Variants in PEAK1 observed in about 807,000 individuals in gnomAD.
PEAK1 encodes the protein pseudopodium enriched atypical kinase 1, also known as inactive tyrosine-protein kinase PEAK1.
In PEAK1, 54 loss-of-function variants were observed where a neutral mutation model predicts 124.7. That is an observed-to-expected ratio of 0.43 (90% confidence interval 0.35 to 0.54). The LOEUF is 0.54. PEAK1 is among the 20% of genes least tolerant of loss of function. PEAK1 has a pLI of 0.01. For missense variants in PEAK1, 2,046 were observed against 2,134.5 expected (o/e 0.96, Z 0.82); for synonymous variants, 719 against 760.0 (o/e 0.95, Z 0.89).
At chr15:77,132,434 C>G (rs987500238) in intron 9 of PEAK1, among the ~76,000 whole-genome samples, 1 of 151,894 alleles carries the variant, frequency 6.6e-6, no homozygotes, top group African/African-American at 2.4e-5. Flanking sequence ...GTGGCTCACA[C>G]CTGTAATCCC....
intron 8 of PEAK1, among the ~76,000 whole-genome samples, chr15:77,147,762 G>A (rs887737067): frequency 2.0e-5 from 3 of 152,144 alleles, no homozygotes; most frequent in Admixed American, 2.0e-4. Context: ...TTCTTAAGTT[G>A]TCAAGTTGCA....
chr15:77,348,396 T>C, intron 2 of PEAK1: 1 of 905,678 alleles, frequency 1.1e-6, no homozygotes, highest in Non-Finnish European at 1.3e-6. Flanking sequence ...GTAATTACAC[T>C]ATAAGCAAGG....
At chr15:77,279,003 G>C (rs1476896077) in intron 5 of PEAK1, among the ~76,000 whole-genome samples, 1 of 151,680 alleles carries the variant, frequency 6.6e-6, no homozygotes, top group Non-Finnish European at 1.5e-5. Context: ...GCTAATTTTT[G>C]TATTTTTAGT....
chr15:77,276,511 A>C, intron 5 of PEAK1, among the ~76,000 whole-genome samples: 1 of 152,154 alleles, frequency 6.6e-6, no homozygotes, highest in Admixed American at 6.5e-5. Flanking sequence ...TGCAGAAATG[A>C]AGAAAAAAAT....
At chr15:77,296,980 T>C (rs777036759) in intron 2 of PEAK1, among the ~76,000 whole-genome samples, 21 of 151,814 alleles carry the variant, frequency 1.4e-4, no homozygotes, top group Non-Finnish European at 2.1e-4. Context: ...GAGATCAAAA[T>C]TCCCGTTTAG....
At chr15:77,171,472 A>T (rs1401717971) in intron 7 of PEAK1, among the ~76,000 whole-genome samples, 2 of 152,216 alleles carry the variant, frequency 1.3e-5, no homozygotes, top group Admixed American at 6.5e-5. Flanking sequence ...AGCTTAAAAA[A>T]AAAAGTAGAT....
chr15:77,292,361 T>C (rs1323893061), intron 2 of PEAK1, among the ~76,000 whole-genome samples: 1 of 152,172 alleles, frequency 6.6e-6, no homozygotes, highest in African/African-American at 2.4e-5. Flanking sequence ...GCATAACTCA[T>C]GATTGAGAGA....
At chr15:77,166,049 A>C (rs959336587) in intron 7 of PEAK1, among the ~76,000 whole-genome samples, 6 of 152,228 alleles carry the variant, frequency 3.9e-5, no homozygotes, top group Admixed American at 3.9e-4. Flanking sequence ...GAAGAAAAAA[A>C]CAGCTATTAT....
Position 77,103,066 on chromosome 15 carries a change from TG to T in PEAK1, c.*11089del, listed in dbSNP as rs2050710340. 3 of 152,340 alleles carry T rather than the reference TG, an allele frequency of 2.0e-5. No individual in the cohort carries two copies. The South Asian group carries it at 6.2e-4, about 32-fold the overall frequency. 9.4% of individuals were successfully genotyped at this position (152,340 alleles called of 1,614,324 possible). ...AAGTGGAAATAATAATAATAAAATTTGTATATATGTATGTTATGTAATGCTA... is the reference window on the plus strand; with the variant it reads ...AAGTGGAAATAATAATAATAAAATTTTATATATGTATGTTATGTAATGCTA... On this transcript the variant is annotated 3_prime_UTR_variant, in exon 7 of 7. Transcript: ENST00000560626.
chr15:77,130,024 C>T (rs1419018985), intron 9 of PEAK1, among the ~76,000 whole-genome samples: 1 of 152,138 alleles, frequency 6.6e-6, no homozygotes, highest in Non-Finnish European at 1.5e-5. Flanking sequence ...GTAAAATATC[C>T]TTTTCCAAAC....
chr15:77,407,433 C>A (rs531940741), intron 1 of PEAK1, among the ~76,000 whole-genome samples: 6 of 151,938 alleles, frequency 3.9e-5, no homozygotes. Flanking sequence ...AGAAAAAAAA[C>A]AATCCATCAA....
chr15:77,250,557 C>G (rs563120754), intron 6 of PEAK1, among the ~76,000 whole-genome samples: 1 of 151,982 alleles, frequency 6.6e-6, no homozygotes, highest in Non-Finnish European at 1.5e-5. Context: ...CTCAGCCTCC[C>G]GAGTAGCTGG....
At chr15:77,173,291 A>G (rs1158344116) in intron 7 of PEAK1, among the ~76,000 whole-genome samples, 1 of 152,202 alleles carries the variant, frequency 6.6e-6, no homozygotes, top group African/African-American at 2.4e-5. Context: ...TACTTTAAGA[A>G]CCAATGGACT....
intron 2 of PEAK1, chr15:77,335,438 A>C: frequency 1.0e-6 from 1 of 985,352 alleles, no homozygotes; most frequent in Non-Finnish European, 1.2e-6. Flanking sequence ...TATTTTGCCC[A>C]ATACTGTTGT....
intron 5 of PEAK1, among the ~76,000 whole-genome samples, chr15:77,272,728 C>G (rs1205680813): frequency 6.6e-6 from 1 of 151,566 alleles, no homozygotes; most frequent in African/African-American, 2.4e-5. Context: ...CCAGAAGATA[C>G]AGAAAGAAGG....
At position 77,371,986 on chromosome 15, in the gene PEAK1, T is replaced by A. The variant is rs1025672247; in HGVS notation, c.-665-6761A>T. On this transcript the variant is annotated intron_variant, in intron 1 of 9. Transcript: ENST00000682557. Reference sequence around the variant, plus strand: ...ATAATGGGTACTTTAAAATCACTCATTGAGTTGAACAGTCATAGAGAAAAT... The same window carrying A: ...ATAATGGGTACTTTAAAATCACTCAATGAGTTGAACAGTCATAGAGAAAAT... Among the ~76,000 whole-genome samples, 4 of 152,238 alleles carry A rather than the reference T, an allele frequency of 2.6e-5. 1 individual carries two copies. Among genetic ancestry groups the A allele is most frequent in the Non-Finnish European group, 5.9e-5 (4 of 68,044 alleles).
intron 2 of PEAK1, chr15:77,350,071 C>G: frequency 1.0e-6 from 1 of 985,374 alleles, no homozygotes; most frequent in Non-Finnish European, 1.2e-6. Flanking sequence ...GTTTTCAGAT[C>G]ATTTGTGCAA....
chr15:77,121,633 T>A (rs2051926889), intron 9 of PEAK1, among the ~76,000 whole-genome samples: 1 of 152,162 alleles, frequency 6.6e-6, no homozygotes, highest in African/African-American at 2.4e-5. Flanking sequence ...CAATTTTCTC[T>A]CCTTTGCCCC....
At chr15:77,236,873 G>T (rs2060149055) in intron 6 of PEAK1, among the ~76,000 whole-genome samples, 3 of 152,034 alleles carry the variant, frequency 2.0e-5, no homozygotes, top group Non-Finnish European at 2.9e-5. Context: ...GTTTTATAAG[G>T]GGGTCTTCTC....
Sources: allele counts gnomAD v4.1 joint callset (sites outside exome capture counted in the v4.1 genomes callset), GRCh38; gene constraint gnomAD v4.1.1; transcripts MANE v1.5; gene names NCBI Gene and HGNC (gene_info 2026-07-23, HGNC 2026-07-21).